BBOX1: variants seen among roughly 807,000 people sequenced by gnomAD.
BBOX1 encodes gamma-butyrobetaine dioxygenase.
In BBOX1, 35 loss-of-function variants were observed where a neutral mutation model predicts 41.6. The observed-to-expected ratio is 0.84, with a 90% CI of 0.64 to 1.11. BBOX1 has a LOEUF of 1.11. Ranked by LOEUF, BBOX1 falls within the 50% of genes most tolerant of loss-of-function variation. BBOX1 has a pLI of 0.00. For synonymous variants in BBOX1, 163 were observed against 154.7 expected (o/e 1.05, Z -0.40); for missense variants, 458 against 460.6 (o/e 0.99, Z 0.05).
intron 6 of BBOX1, 148 bp from the exon 7 acceptor site, chr11:27,119,501 C>T: frequency 4.4e-6 from 2 of 454,584 alleles, no homozygotes; most frequent in Non-Finnish European, 6.5e-6. Flanking sequence ...GGCTTTGGTT[C>T]ATTCATAGCT....
At chr11:27,097,018 C>T (rs751915160) in intron 5 of BBOX1, among the ~76,000 whole-genome samples, 13 of 151,940 alleles carry the variant, frequency 8.6e-5, no homozygotes, top group Non-Finnish European at 1.8e-4. Flanking sequence ...TGCTCAGTAA[C>T]TTTACTCACT....
At chr11:27,094,952 T>G (rs1179210901) in intron 5 of BBOX1, among the ~76,000 whole-genome samples, 1 of 151,960 alleles carries the variant, frequency 6.6e-6, no homozygotes, top group African/African-American at 2.4e-5. Context: ...AACTGTATTA[T>G]GTATTGTTCA....
At chr11:27,115,352 T>A in intron 5 of BBOX1, 100 bp from the exon 6 acceptor site, 1 of 939,014 alleles carries the variant, frequency 1.1e-6, no homozygotes, top group Non-Finnish European at 1.6e-6. Flanking sequence ...TTTCAAAAAA[T>A]GAAAAGTTTC....
chr11:27,119,759 G>C lies in BBOX1; in HGVS notation c.750G>C (p.Gln250His), dbSNP rs1248258841. 1 of 1,604,058 alleles carries C rather than the reference G, an allele frequency of 6.2e-7. No homozygotes were observed. Among genetic ancestry groups the C allele is most frequent in the Non-Finnish European group, 8.5e-7 (1 of 1,176,606 alleles). The change falls in exon 7 of 9, where the codon CAG becomes CAC. Residue 250 changes from glutamine (Q) to histidine (H), a missense_variant. Coordinates refer to ENST00000263182, the MANE Select transcript of BBOX1 (RefSeq NM_003986.3). ...KLKKNNPQAF[Q>H]ILSSTFVDFT... The stretch of plus-strand genomic sequence containing the variant: ...AGAAAAATAATCCTCAGGCATTCCA[G>C]ATTTTGTCCTCTACCTTTGTGGACT...
intron 4 of BBOX1, among the ~76,000 whole-genome samples, chr11:27,071,577 T>C (rs1192875215): frequency 6.6e-6 from 1 of 152,068 alleles, no homozygotes; most frequent in Non-Finnish European, 1.5e-5. Flanking sequence ...GAATGAGTTC[T>C]CATAAGATCT....
intron 4 of BBOX1, among the ~76,000 whole-genome samples, chr11:27,064,805 T>C (rs966643835): frequency 6.6e-6 from 1 of 151,778 alleles, no homozygotes; most frequent in Non-Finnish European, 1.5e-5. Flanking sequence ...GTCAAAGCCA[T>C]CCTCCTGTGG....
intron 4 of BBOX1, among the ~76,000 whole-genome samples, chr11:27,063,656 CAA>C (rs11354714): frequency 0.011 from 1,501 of 141,570 alleles, 19 homozygotes; most frequent in African/African-American, 0.033. Context: ...ATTGCACAGT[CAA>C]AAAAAAAAAA....
chr11:27,093,577 A>G (rs912457941), intron 5 of BBOX1, among the ~76,000 whole-genome samples: 1 of 152,046 alleles, frequency 6.6e-6, no homozygotes, highest in African/African-American at 2.4e-5. Context: ...CACCAAAGAC[A>G]TCAGGCTAGT....
At chr11:27,114,281 G>GTGATTAAATT (rs1859180514) in intron 5 of BBOX1, among the ~76,000 whole-genome samples, 1 of 151,788 alleles carries the variant, frequency 6.6e-6, no homozygotes. Flanking sequence ...ATGGCATCCT[G>GTGATTAAATT]TATTCGTGGA....
rs1407443813 is a variant in BBOX1 at position 27,057,324 on chromosome 11, G to T, written c.334+9G>T. ...AGAATTGTTTTTTCCAGGTAACTTT[G>T]CCAAAGTCTTCAATGTCTTTTTAAA... On this transcript the variant is annotated intron_variant, in intron 4 of 8. Coordinates refer to ENST00000263182, the MANE Select transcript of BBOX1 (RefSeq NM_003986.3). 1.9e-6 allele frequency: 3 copies of T among 1,593,488 alleles called. No homozygotes were observed. Among genetic ancestry groups the T allele is most frequent in the Non-Finnish European group, 2.6e-6 (3 of 1,164,652 alleles).
At chr11:27,124,875 C>T (rs1859594862) in intron 7 of BBOX1, among the ~76,000 whole-genome samples, 1 of 152,054 alleles carries the variant, frequency 6.6e-6, no homozygotes, top group African/African-American at 2.4e-5. Flanking sequence ...TGGTCATAAT[C>T]CATATTTTGA....
In BBOX1 at chr11:27,127,597, A is replaced by G; in HGVS notation, c.*144A>G. On this transcript the variant is annotated 3_prime_UTR_variant, in exon 9 of 9. Coordinates refer to ENST00000263182, the MANE Select transcript of BBOX1 (RefSeq NM_003986.3). ...AACTTCTCTCACAAGAGTACTCTTT[A>G]CTTTGTAATCATATACAATGTCAAC... is the stretch of plus-strand genomic sequence containing the variant. 1.1e-6 allele frequency: 1 copy of G among 944,818 alleles called. No homozygotes were observed. The highest frequency in any genetic ancestry group is 1.9e-5 in the South Asian group (1 of 52,962). The allele number at this position is 944,818 out of a possible 1,614,324, so 58.5% of individuals were successfully genotyped here. A position where few individuals can be genotyped will look rare whatever the true frequency, so the allele number is the denominator to read the frequency against.
intron 5 of BBOX1, among the ~76,000 whole-genome samples, chr11:27,100,264 A>C (rs190121520): frequency 1.8e-4 from 27 of 152,260 alleles, no homozygotes; most frequent in African/African-American, 6.0e-4. Context: ...ACAGTTGTGA[A>C]GTATGGGGAT....
intron 4 of BBOX1, among the ~76,000 whole-genome samples, chr11:27,077,234 C>T (rs1409397507): frequency 6.6e-6 from 1 of 152,120 alleles, no homozygotes; most frequent in Non-Finnish European, 1.5e-5. Context: ...TCCCTCCATC[C>T]ATGCTGGAGA....
At chr11:27,124,002 C>G (rs1162000588) in intron 7 of BBOX1, among the ~76,000 whole-genome samples, 1 of 152,196 alleles carries the variant, frequency 6.6e-6, no homozygotes, top group Non-Finnish European at 1.5e-5. Flanking sequence ...AGAATTGGTG[C>G]TAATCACCAA....
chr11:27,067,127 T>A (rs922441162), intron 4 of BBOX1, among the ~76,000 whole-genome samples: 8 of 152,196 alleles, frequency 5.3e-5, no homozygotes, highest in African/African-American at 1.9e-4. Flanking sequence ...CAACTCATTA[T>A]TTTTTTCAAA....
At chr11:27,113,313 G>T (rs535562628) in intron 5 of BBOX1, among the ~76,000 whole-genome samples, 9 of 151,826 alleles carry the variant, frequency 5.9e-5, no homozygotes, top group Admixed American at 3.3e-4. Context: ...TATACCCAAA[G>T]GAATATAAAT....
At chr11:27,043,071 AT>A (rs1383434578) in intron 2 of BBOX1, among the ~76,000 whole-genome samples, 8 of 150,004 alleles carry the variant, frequency 5.3e-5, no homozygotes, top group African/African-American at 7.3e-5. Context: ...TTATTTATTT[AT>A]TTTTTTTTTG....
At chr11:27,063,470 T>C (rs1403463570) in intron 4 of BBOX1, among the ~76,000 whole-genome samples, 3 of 152,142 alleles carry the variant, frequency 2.0e-5, no homozygotes, top group African/African-American at 7.2e-5. Flanking sequence ...AATATCAGAA[T>C]GATAGATGCT....
Sources: gnomAD v4.1 joint callset for allele counts (sites outside exome capture counted in the v4.1 genomes callset) on GRCh38, gnomAD v4.1.1 for gene constraint, MANE v1.5 for transcripts, NCBI Gene and HGNC (gene_info 2026-07-23, HGNC 2026-07-21) for gene names.